The following CRISPLD1 variants were observed in gnomAD, a reference collection of about 807,000 sequenced individuals.
The protein encoded by CRISPLD1 is cysteine-rich secretory protein LCCL domain-containing 1.
In CRISPLD1, 60 loss-of-function variants were observed where a neutral mutation model predicts 77.5. The observed-to-expected ratio is 0.77, with a 90% confidence interval of 0.63 to 0.96. The LOEUF (loss-of-function observed/expected upper bound fraction) is 0.96, where lower values mean the gene tolerates loss of function less well. Among genes scored for constraint, CRISPLD1 ranks in the 40% least tolerant of loss-of-function variants. The pLI, the probability that CRISPLD1 is intolerant of heterozygous loss-of-function variation, is 0.00. For missense variants in CRISPLD1, 623 were observed against 615.8 expected, an observed-to-expected ratio of 1.01 and a Z score of -0.12; for synonymous variants, 195 against 200.1, an observed-to-expected ratio of 0.97 and a Z score of 0.22.
At chr8:74,997,305 C>T (rs992941694) in intron 2 of CRISPLD1, among the ~76,000 whole-genome samples, 8 of 152,116 alleles carry the variant, frequency 5.3e-5, no homozygotes, top group Non-Finnish European at 1.2e-4. Context: ...ATGGGATTCC[C>T]GATGGGTTTT....
chr8:75,009,732 A>G (rs1315445114), intron 2 of CRISPLD1, among the ~76,000 whole-genome samples: 1 of 152,158 alleles, frequency 6.6e-6, no homozygotes. Context: ...AAACCTGCTT[A>G]CTTTTGAGAG....
intron 2 of CRISPLD1, among the ~76,000 whole-genome samples, chr8:74,996,057 A>AT (rs1563608211): frequency 8.2e-5 from 12 of 146,988 alleles, no homozygotes; most frequent in African/African-American, 1.5e-4. Flanking sequence ...TATATATATA[A>AT]ATACGCATGT....
intron 7 of CRISPLD1, 53 bp from the exon 8 acceptor site, chr8:75,016,828 A>G (rs1269338704): frequency 3.9e-6 from 6 of 1,521,690 alleles, no homozygotes; most frequent in Non-Finnish European, 4.5e-6. Context: ...TATATAATGA[A>G]CTACAACTGC....
chr8:74,998,486 C>T (rs765830567), intron 2 of CRISPLD1, among the ~76,000 whole-genome samples: 11 of 151,792 alleles, frequency 7.2e-5, no homozygotes, highest in South Asian at 2.1e-4. Flanking sequence ...GTCAGGAGTT[C>T]GAGACCAGTC....
chr8:74,997,337 G>A (rs1469195200), intron 2 of CRISPLD1, among the ~76,000 whole-genome samples: 1 of 152,172 alleles, frequency 6.6e-6, no homozygotes, highest in African/African-American at 2.4e-5. Context: ...TGTGAAGGGT[G>A]AAGGATAAGG....
At chr8:75,008,031 C>T (rs1180679457) in intron 2 of CRISPLD1, among the ~76,000 whole-genome samples, 1 of 152,072 alleles carries the variant, frequency 6.6e-6, no homozygotes, top group East Asian at 1.9e-4. Context: ...TTCTCATACA[C>T]ACACTTGAGA....
intron 1 of CRISPLD1, 24 bp from the exon 2 acceptor site, chr8:74,985,902 T>G: frequency 7.0e-7 from 1 of 1,420,790 alleles, no homozygotes; most frequent in Non-Finnish European, 9.5e-7. Flanking sequence ...ATTTTCATCT[T>G]AATCACATGA....
At chr8:75,011,622 ATAACT>A (rs1446044375) in intron 2 of CRISPLD1, among the ~76,000 whole-genome samples, 6 of 152,190 alleles carry the variant, frequency 3.9e-5, no homozygotes, top group Admixed American at 6.6e-5. Context: ...TTTCACTAAA[ATAACT>A]TAATCGGTGA....
At chr8:75,005,871 C>T (rs998754145) in intron 2 of CRISPLD1, among the ~76,000 whole-genome samples, 1 of 152,120 alleles carries the variant, frequency 6.6e-6, no homozygotes, top group Non-Finnish European at 1.5e-5. Context: ...TTTGCAATGC[C>T]ACCATATTTC....
intron 6 of CRISPLD1, among the ~76,000 whole-genome samples, chr8:75,015,143 A>T (rs890168666): frequency 6.6e-6 from 1 of 152,154 alleles, no homozygotes; most frequent in African/African-American, 2.4e-5. Flanking sequence ...TTCTGATTCT[A>T]CTTTGAAATT....
intron 2 of CRISPLD1, among the ~76,000 whole-genome samples, chr8:75,008,006 CAA>C (rs1203423181): frequency 6.6e-6 from 1 of 151,986 alleles, no homozygotes; most frequent in Non-Finnish European, 1.5e-5. Context: ...AGTTATCTGT[CAA>C]AAAGTTTAAA....
intron 12 of CRISPLD1, among the ~76,000 whole-genome samples, chr8:75,023,068 G>A (rs1180184646): frequency 8.2e-6 from 1 of 122,288 alleles, no homozygotes; most frequent in Non-Finnish European, 1.6e-5. Context: ...CCGGCAAATT[G>A]TAGGTAAAAA....
intron 2 of CRISPLD1, among the ~76,000 whole-genome samples, chr8:74,995,058 A>G (rs1812625873): frequency 6.6e-6 from 1 of 152,158 alleles, no homozygotes. Flanking sequence ...AGGACCCACC[A>G]CCATTTAAGT....
intron 12 of CRISPLD1, 45 bp from the exon 13 acceptor site, chr8:75,025,497 TTAAG>T: frequency 1.3e-6 from 1 of 768,224 alleles, no homozygotes; most frequent in Non-Finnish European, 1.9e-6. Flanking sequence ...TAAGAAAGAC[TTAAG>T]TAACCAGCTT....
intron 14 of CRISPLD1, 121 bp downstream of exon 14, chr8:75,029,638 G>T: frequency 1.0e-6 from 1 of 972,928 alleles, no homozygotes; most frequent in South Asian, 1.6e-5. Flanking sequence ...GGCAGAGCCA[G>T]TGTGTTCCTT....
At chr8:75,007,409 T>C (rs918394258) in intron 2 of CRISPLD1, among the ~76,000 whole-genome samples, 1 of 150,704 alleles carries the variant, frequency 6.6e-6, no homozygotes, top group Non-Finnish European at 1.5e-5. Context: ...TTGACTCTTA[T>C]TCGAGCACCA....
chr8:75,015,034 A>G, intron 6 of CRISPLD1, 122 bp downstream of exon 6: 3 of 475,608 alleles, frequency 6.3e-6, no homozygotes, highest in Non-Finnish European at 7.4e-6. Flanking sequence ...CTAGAACTCT[A>G]TTTCAAATAT....
intron 12 of CRISPLD1, among the ~76,000 whole-genome samples, chr8:75,022,360 G>C (rs1270603553): frequency 6.6e-6 from 1 of 151,974 alleles, no homozygotes; most frequent in African/African-American, 2.4e-5. Context: ...GCTGAGGTGG[G>C]TGGATCACGA....
chr8:74,990,906 A>T (rs143465349), intron 2 of CRISPLD1, among the ~76,000 whole-genome samples: 41 of 152,008 alleles, frequency 2.7e-4, no homozygotes, highest in African/African-American at 8.9e-4. Flanking sequence ...ATGTCTTTCG[A>T]ATCCCTCTCT....
Sources: allele counts gnomAD v4.1 joint callset (sites outside exome capture counted in the v4.1 genomes callset), GRCh38; gene constraint gnomAD v4.1.1; transcripts MANE v1.5; gene names NCBI Gene and HGNC (gene_info 2026-07-23, HGNC 2026-07-21).